LOXHD1: variants seen among roughly 807,000 people sequenced by gnomAD.
LOXHD1 encodes the protein lipoxygenase homology PLAT domains 1.
A neutral mutation model predicts 248.2 loss-of-function variants in LOXHD1; 205 were observed. That is an observed-to-expected ratio of 0.83 (90% confidence interval 0.74 to 0.93). LOXHD1 has a LOEUF of 0.93. Among genes scored for constraint, LOXHD1 ranks in the 40% least tolerant of loss-of-function variants. The pLI is 0.00. For synonymous variants in LOXHD1, 1,113 were observed against 1,162.8 expected (o/e 0.96, Z 0.87); for missense variants, 2,930 against 2,971.6 (o/e 0.99, Z 0.33).
chr18:46,640,908 A>T (rs1199893772), intron 3 of LOXHD1, among the ~76,000 whole-genome samples: 1 of 152,158 alleles, frequency 6.6e-6, no homozygotes, highest in Non-Finnish European at 1.5e-5. Context: ...TTATCCTTGC[A>T]GTTGTTAACA....
intron 35 of LOXHD1, among the ~76,000 whole-genome samples, chr18:46,509,021 C>T (rs2034774763): frequency 6.6e-6 from 1 of 152,172 alleles, no homozygotes; most frequent in African/African-American, 2.4e-5. Flanking sequence ...AGCTGCCTTC[C>T]TTTCTTGGTG....
rs544522461 is a variant in LOXHD1 at position 46,550,508 on chromosome 18, G to T, written c.3351-3450C>A. ...GAATGGCGTGAACCCAGGAAGCGGA[G>T]CTTGCAGTGAGCCGAGATTGCGCCA... On this transcript the variant is annotated intron_variant, in intron 21 of 40. Transcript: ENST00000642948. Among the ~76,000 whole-genome samples, 11 of 147,156 alleles carry T rather than the reference G, an allele frequency of 7.5e-5. No homozygotes were observed. In the South Asian group the frequency reaches 2.4e-3, roughly 32 times the overall value.
chr18:46,557,149 G>A (rs375595270), intron 21 of LOXHD1, among the ~76,000 whole-genome samples: 3 of 14,774 alleles, frequency 2.0e-4, no homozygotes, highest in East Asian at 2.8e-3. Context: ...CCTCATACCC[G>A]CCCACCCTCA....
chr18:46,601,652 C>A, intron 7 of LOXHD1, 185 bp from the exon 8 acceptor site: 1 of 766,186 alleles, frequency 1.3e-6, no homozygotes, highest in Non-Finnish European at 2.1e-6. Flanking sequence ...TCATCTTTTC[C>A]AGAGTTTGTG....
At chr18:46,583,680 A>G (rs1213200324) in intron 12 of LOXHD1, among the ~76,000 whole-genome samples, 1 of 152,156 alleles carries the variant, frequency 6.6e-6, no homozygotes, top group Non-Finnish European at 1.5e-5. Flanking sequence ...TCATCAAAAA[A>G]ACAAAAGAAG....
chr18:46,501,894 A>T (rs933252909), intron 37 of LOXHD1, among the ~76,000 whole-genome samples: 1 of 152,184 alleles, frequency 6.6e-6, no homozygotes, highest in Non-Finnish European at 1.5e-5. Flanking sequence ...GGATGAAAAC[A>T]AGAAAGGGGG....
intron 2 of LOXHD1, among the ~76,000 whole-genome samples, chr18:46,647,326 A>T (rs1489020457): frequency 1.3e-5 from 2 of 152,224 alleles, no homozygotes; most frequent in African/African-American, 4.8e-5. Flanking sequence ...CCATGTTATA[A>T]AGGGTGGCTC....
intron 4 of LOXHD1, among the ~76,000 whole-genome samples, chr18:46,618,913 T>C (rs1568219498): frequency 6.6e-6 from 1 of 152,238 alleles, no homozygotes; most frequent in Non-Finnish European, 1.5e-5. Flanking sequence ...CTGCTTCCTG[T>C]ATCTTTGCTC....
At chr18:46,538,585 A>G (rs1230657687) in intron 25 of LOXHD1, among the ~76,000 whole-genome samples, 1 of 152,182 alleles carries the variant, frequency 6.6e-6, no homozygotes, top group East Asian at 1.9e-4. Context: ...AGCCTCTCAC[A>G]TGCCAGAGCA....
At chr18:46,484,534 C>A (rs2143545831) in intron 39 of LOXHD1, among the ~76,000 whole-genome samples, 1 of 152,276 alleles carries the variant, frequency 6.6e-6, no homozygotes, top group Middle Eastern at 3.4e-3. Flanking sequence ...GTCCTGGACT[C>A]CCAGCCTCTA....
At position 46,643,246 on chromosome 18, in the gene LOXHD1, A is replaced by T. The variant is rs186599943; in HGVS notation, c.246-1210T>A. 1.6e-4 allele frequency among the ~76,000 whole-genome samples: 24 copies of T among 152,264 alleles called. No homozygotes were observed. The East Asian group carries it at 4.2e-3, about 27-fold the overall frequency. ...ACAGGATGCAGCCTGGGTGCAAAGGATGAGGAGGAGAGAGGCACAGAACCT... is the reference window on the plus strand; with the variant it reads ...ACAGGATGCAGCCTGGGTGCAAAGGTTGAGGAGGAGAGAGGCACAGAACCT... On this transcript the variant is annotated intron_variant, in intron 2 of 40. Coordinates refer to ENST00000642948, the MANE Select transcript of LOXHD1 (RefSeq NM_001384474.1).
At chr18:46,595,478 T>C (rs1043863782) in intron 8 of LOXHD1, among the ~76,000 whole-genome samples, 5 of 152,176 alleles carry the variant, frequency 3.3e-5, no homozygotes, top group African/African-American at 9.7e-5. Context: ...CTGCATTCAA[T>C]AGATAGGAAA....
At chr18:46,539,451 A>G (rs1252599897) in intron 25 of LOXHD1, among the ~76,000 whole-genome samples, 2 of 133,554 alleles carry the variant, frequency 1.5e-5, no homozygotes, top group Admixed American at 1.6e-4. Flanking sequence ...ACAGAGTGAG[A>G]CTCTCTCTTA....
intron 6 of LOXHD1, among the ~76,000 whole-genome samples, chr18:46,604,928 T>G (rs1245356682): frequency 1.3e-5 from 2 of 152,164 alleles, no homozygotes; most frequent in African/African-American, 4.8e-5. Context: ...TAATACAATA[T>G]GGGCAGAGGA....
rs199972417 is a variant in LOXHD1, at chr18:46,652,074, G to A, written c.131-2805C>T. Among the ~76,000 whole-genome samples, 65 of 152,316 alleles carry A rather than the reference G, an allele frequency of 4.3e-4. No individual in the cohort carries two copies. The East Asian group carries it at 0.01, about 24-fold the overall frequency. Reference sequence around the variant, plus strand: ...CAGCAATAAAACAAAATGAACTCCTGATGCACAATACAGATGACTCTCAAG... The same window carrying A: ...CAGCAATAAAACAAAATGAACTCCTAATGCACAATACAGATGACTCTCAAG... On this transcript the variant is annotated intron_variant, in intron 1 of 40. Transcript: ENST00000642948.
chr18:46,559,553 G>A lies in LOXHD1; in HGVS notation c.3111C>T (p.Gly1037=). The A allele has an allele frequency of 7.1e-6, 11 of 1,551,934 alleles. No homozygotes were observed. Among genetic ancestry groups the A allele is most frequent in the Middle Eastern group, 1.7e-4 (1 of 5,992 alleles). The change falls in exon 20 of 41, where the codon GGC becomes GGT. Residue 1037 remains glycine (G), a synonymous_variant. Coordinates refer to ENST00000642948, the MANE Select transcript of LOXHD1 (RefSeq NM_001384474.1). The part of the protein sequence containing the change: ...QVVTGNVPKA[G]TDANVYLTIY... ...TGGTTAGGTAGACGTTAGCATCAGT[G>A]CCGGCCTTGGGCACATTCCCCGTGA...
intron 18 of LOXHD1, 28 bp downstream of exon 18, chr18:46,563,036 TG>T (rs993647818): frequency 6.6e-7 from 1 of 1,521,962 alleles, no homozygotes; most frequent in Non-Finnish European, 8.9e-7. Flanking sequence ...AGCCTGCTGT[TG>T]GCACCCCCGC....
chr18:46,544,828 A>C, intron 23 of LOXHD1: 1 of 471,582 alleles, frequency 2.1e-6, no homozygotes, highest in Non-Finnish European at 4.4e-6. Flanking sequence ...AATGCTTGGC[A>C]CTAGGCTCTG....
chr18:46,516,767 T>C (rs558238189), intron 34 of LOXHD1, among the ~76,000 whole-genome samples: 4 of 151,754 alleles, frequency 2.6e-5, no homozygotes, highest in Non-Finnish European at 5.9e-5. Context: ...ATCACCATCA[T>C]CACAATTATC....
Sources: gnomAD v4.1 joint callset for allele counts (sites outside exome capture counted in the v4.1 genomes callset) on GRCh38, gnomAD v4.1.1 for gene constraint, MANE v1.5 for transcripts, NCBI Gene and HGNC (gene_info 2026-07-23, HGNC 2026-07-21) for gene names.